The following EXOC6 variants were observed in gnomAD, a reference collection of about 807,000 sequenced individuals.
The protein encoded by EXOC6 is exocyst complex component 6.
In EXOC6, 60 loss-of-function variants were observed where a neutral mutation model predicts 112.5. The ratio of observed to expected loss-of-function variants is 0.53; its 90% CI spans 0.43 to 0.66. The LOEUF (loss-of-function observed/expected upper bound fraction) is 0.66, where lower values mean the gene tolerates loss of function less well. EXOC6 is among the 30% of genes least tolerant of loss of function. The probability of loss-of-function intolerance (pLI) is 0.00; values close to 1 mark genes in which losing one functional copy is unlikely to be tolerated. For missense variants in EXOC6, 855 were observed against 957.1 expected (o/e 0.89, Z 1.41); for synonymous variants, 295 against 308.0 (o/e 0.96, Z 0.44).
intron 6 of EXOC6, among the ~76,000 whole-genome samples, chr10:92,912,355 C>T (rs561341973): frequency 2.0e-5 from 3 of 152,016 alleles, no homozygotes; most frequent in South Asian, 4.2e-4. Context: ...ATCAGCAGGT[C>T]GAGAAATAAT....
At chr10:93,012,993 A>G (rs1844328247) in intron 19 of EXOC6, among the ~76,000 whole-genome samples, 1 of 152,116 alleles carries the variant, frequency 6.6e-6, no homozygotes, top group Non-Finnish European at 1.5e-5. Context: ...AGTTATAATC[A>G]TGCCACTGCA....
At chr10:93,001,631 C>T (rs546020096) in intron 19 of EXOC6, among the ~76,000 whole-genome samples, 62 of 152,288 alleles carry the variant, frequency 4.1e-4, no homozygotes, top group African/African-American at 1.3e-3. Flanking sequence ...GGACTTGGCC[C>T]CTACGAAGGC....
intron 19 of EXOC6, among the ~76,000 whole-genome samples, chr10:93,006,912 C>T (rs1378388375): frequency 6.6e-6 from 1 of 151,720 alleles, no homozygotes; most frequent in African/African-American, 2.4e-5. Flanking sequence ...TTAGCTTAGC[C>T]TCCTCCCCTT....
At chr10:92,912,299 C>G (rs1480975468) in intron 6 of EXOC6, among the ~76,000 whole-genome samples, 6 of 151,992 alleles carry the variant, frequency 3.9e-5, no homozygotes, top group Non-Finnish European at 8.8e-5. Context: ...CAGGATCTGG[C>G]CAGCAGCCCG....
chr10:92,837,556 G>A (rs1282317278), intron 1 of EXOC6, among the ~76,000 whole-genome samples: 7 of 152,092 alleles, frequency 4.6e-5, no homozygotes, highest in Non-Finnish European at 1.0e-4. Context: ...TCAGCTACTC[G>A]GGAGGCCAAA....
At chr10:92,881,603 CT>C in intron 1 of EXOC6, among the ~76,000 whole-genome samples, 1 of 152,122 alleles carries the variant, frequency 6.6e-6, no homozygotes, top group East Asian at 1.9e-4. Context: ...AGGAATCTTC[CT>C]TTTTCTTGAC....
chr10:92,845,984 T>C (rs536893200), upstream of EXOC6, among the ~76,000 whole-genome samples: 1 of 152,374 alleles, frequency 6.6e-6, no homozygotes, highest in East Asian at 1.9e-4. Context: ...ATTAGTTATT[T>C]AGGACATTTA....
intron 20 of EXOC6, among the ~76,000 whole-genome samples, chr10:93,016,434 CCCAACCA>C (rs1256516666): frequency 6.6e-6 from 1 of 151,906 alleles, no homozygotes; most frequent in African/African-American, 2.4e-5. Context: ...AGCCACAGCG[CCCAACCA>C]CCTGTGATCC....
intron 1 of EXOC6, among the ~76,000 whole-genome samples, chr10:92,839,316 C>T (rs1307083193): frequency 6.6e-6 from 1 of 152,086 alleles, no homozygotes; most frequent in Non-Finnish European, 1.5e-5. Context: ...CGCTAGGGGG[C>T]GTGACTGTCC....
chr10:92,987,980 A>G (rs1187947846), intron 18 of EXOC6, among the ~76,000 whole-genome samples: 1 of 152,190 alleles, frequency 6.6e-6, no homozygotes, highest in East Asian at 1.9e-4. Context: ...CTTAAATGAA[A>G]TAGTATACCT....
At chr10:92,948,613 A>G (rs1482165314) in intron 14 of EXOC6, among the ~76,000 whole-genome samples, 1 of 150,272 alleles carries the variant, frequency 6.7e-6, no homozygotes, top group Admixed American at 6.7e-5. Flanking sequence ...TACTACTACT[A>G]CTACTACTGA....
At chr10:92,998,890 G>A (rs1843619918) in intron 19 of EXOC6, among the ~76,000 whole-genome samples, 1 of 151,806 alleles carries the variant, frequency 6.6e-6, no homozygotes, top group African/African-American at 2.4e-5. Context: ...TTAGTTTTTT[G>A]AGACAGAGTC....
At chr10:92,963,084 G>C (rs536248280) in intron 17 of EXOC6, among the ~76,000 whole-genome samples, 4 of 152,176 alleles carry the variant, frequency 2.6e-5, no homozygotes, top group Non-Finnish European at 5.9e-5. Flanking sequence ...AAGGCAGAAA[G>C]CTGAAGTTAT....
intron 1 of EXOC6, among the ~76,000 whole-genome samples, chr10:92,890,664 A>ATCTG (rs1849454724): frequency 6.6e-6 from 1 of 151,736 alleles, no homozygotes; most frequent in Admixed American, 6.6e-5. Context: ...GTGTGTGTGT[A>ATCTG]TCTGTCTGTC....
chr10:93,019,841 C>T (rs1172259095), intron 20 of EXOC6, among the ~76,000 whole-genome samples: 1 of 152,146 alleles, frequency 6.6e-6, no homozygotes, highest in African/African-American at 2.4e-5. Flanking sequence ...GAGGCACAGT[C>T]TGATGGCAAA....
intron 1 of EXOC6, among the ~76,000 whole-genome samples, chr10:92,865,836 C>CTGTAT (rs1453972093): frequency 1.3e-5 from 2 of 152,012 alleles, no homozygotes; most frequent in Non-Finnish European, 2.9e-5. Flanking sequence ...TTATTATCTA[C>CTGTAT]TGTATTCTTA....
chr10:92,905,363 G>A (rs561465270), intron 5 of EXOC6, among the ~76,000 whole-genome samples: 1 of 152,014 alleles, frequency 6.6e-6, no homozygotes, highest in East Asian at 1.9e-4. Context: ...GATCAAGTTG[G>A]GGAGAACTGA....
intron 6 of EXOC6, among the ~76,000 whole-genome samples, chr10:92,915,392 C>CA (rs988902974): frequency 1.0e-3 from 153 of 149,226 alleles, no homozygotes; most frequent in Middle Eastern, 3.4e-3. Flanking sequence ...AATACAAAAA[C>CA]AAAAAAAACA....
intron 18 of EXOC6, among the ~76,000 whole-genome samples, chr10:92,978,801 G>A (rs922142108): frequency 1.3e-5 from 2 of 152,168 alleles, no homozygotes; most frequent in South Asian, 4.1e-4. Context: ...TTCAGACGAA[G>A]CTTATCACAT....
Sources: gnomAD v4.1 joint callset for allele counts (sites outside exome capture counted in the v4.1 genomes callset) on GRCh38, gnomAD v4.1.1 for gene constraint, MANE v1.5 for transcripts, NCBI Gene and HGNC (gene_info 2026-07-23, HGNC 2026-07-21) for gene names.